SLC26A5: variants seen among roughly 807,000 people sequenced by gnomAD.
The protein encoded by SLC26A5 is solute carrier family 26 member 5.
A neutral mutation model predicts 81.0 loss-of-function variants in SLC26A5; 51 were observed. That is an observed-to-expected ratio of 0.63 (90% CI 0.50 to 0.80). The LOEUF is 0.80. Among genes scored for constraint, SLC26A5 ranks in the 30% least tolerant of loss-of-function variants. SLC26A5 has a pLI of 0.00. For missense variants in SLC26A5, 771 were observed against 905.8 expected (o/e 0.85, Z 1.91); for synonymous variants, 325 against 332.8 (o/e 0.98, Z 0.25).
intron 5 of SLC26A5, among the ~76,000 whole-genome samples, chr7:103,411,920 C>A (rs1437801383): frequency 6.6e-6 from 1 of 152,178 alleles, no homozygotes; most frequent in Non-Finnish European, 1.5e-5. Flanking sequence ...GCAGAAGTGA[C>A]GTTGTGTGAC....
chr7:103,354,669 C>T (rs1460543282), intron 19 of SLC26A5, among the ~76,000 whole-genome samples: 1 of 152,138 alleles, frequency 6.6e-6, no homozygotes, highest in Non-Finnish European at 1.5e-5. Context: ...CATGCCTGGC[C>T]ATGATTTTCA....
At chr7:103,420,366 G>A (rs1825248747) in intron 4 of SLC26A5, among the ~76,000 whole-genome samples, 1 of 141,212 alleles carries the variant, frequency 7.1e-6, no homozygotes. Flanking sequence ...TATGATCATA[G>A]CTCATTACAG....
At chr7:103,433,129 G>A (rs1030805433) in intron 2 of SLC26A5, among the ~76,000 whole-genome samples, 4 of 152,086 alleles carry the variant, frequency 2.6e-5, no homozygotes, top group Non-Finnish European at 5.9e-5. Context: ...CTTATCCAGT[G>A]TTTCAATTCC....
intron 2 of SLC26A5, among the ~76,000 whole-genome samples, chr7:103,435,846 C>A (rs918352208): frequency 3.9e-5 from 6 of 152,082 alleles, no homozygotes; most frequent in Admixed American, 1.3e-4. Flanking sequence ...GAGTTCTTCC[C>A]CCTTTGTATC....
intron 2 of SLC26A5, chr7:103,435,127 T>C (rs897097100): frequency 2.6e-5 from 4 of 152,216 alleles, no homozygotes; most frequent in African/African-American, 7.2e-5. Flanking sequence ...GTAAATTATT[T>C]TTATTTTAGT....
intron 14 of SLC26A5, chr7:103,388,696 GATAA>G: frequency 2.8e-6 from 1 of 363,178 alleles, no homozygotes; most frequent in Non-Finnish European, 5.4e-6. Flanking sequence ...ATCACAAGAG[GATAA>G]ATAAACCAGC....
intron 19 of SLC26A5, among the ~76,000 whole-genome samples, chr7:103,361,336 T>TAA (rs1170508055): frequency 0.047 from 5,633 of 120,770 alleles, 166 homozygotes; most frequent in African/African-American, 0.075. Context: ...CCCTCTCTAC[T>TAA]AAAAAAAAAA....
At chr7:103,374,694 GTTTT>G (rs1460717780) in intron 19 of SLC26A5, 102 bp from the exon 20 acceptor site, 31 of 1,120,332 alleles carry the variant, frequency 2.8e-5, no homozygotes, top group African/African-American at 2.4e-4. Flanking sequence ...TTTTGTTATT[GTTTT>G]TTGTTTCTTT....
At chr7:103,425,098 G>A (rs1302189088) in intron 2 of SLC26A5, among the ~76,000 whole-genome samples, 6 of 152,088 alleles carry the variant, frequency 3.9e-5, no homozygotes, top group Non-Finnish European at 1.5e-5. Context: ...GGAATTCCTC[G>A]TGACACCCGT....
chr7:103,366,015 TTTAC>T, intron 19 of SLC26A5: 3 of 1,327,412 alleles, frequency 2.3e-6, no homozygotes, highest in Non-Finnish European at 2.1e-6. Flanking sequence ...AGCATAACTT[TTTAC>T]TTATTTTAAA....
chr7:103,385,091 T>C (rs896831517), intron 14 of SLC26A5, among the ~76,000 whole-genome samples: 1 of 152,178 alleles, frequency 6.6e-6, no homozygotes, highest in Non-Finnish European at 1.5e-5. Context: ...TGAACCTCTG[T>C]CATATTTATA....
intron 1 of SLC26A5, chr7:103,445,278 A>G (rs1348204706): frequency 1.3e-5 from 2 of 152,164 alleles, no homozygotes; most frequent in East Asian, 3.8e-4. Flanking sequence ...GCTCACTGAG[A>G]ACGTCCAGCA....
chr7:103,384,471 G>A (rs953779916), intron 14 of SLC26A5, among the ~76,000 whole-genome samples: 1 of 152,024 alleles, frequency 6.6e-6, no homozygotes, highest in South Asian at 2.1e-4. Flanking sequence ...AATTAGCTGG[G>A]TGTGGTGGCG....
intron 4 of SLC26A5, 80 bp downstream of exon 4, chr7:103,420,658 T>C (rs1825275513): frequency 3.3e-5 from 51 of 1,540,220 alleles, no homozygotes; most frequent in Non-Finnish European, 4.5e-5. Flanking sequence ...ATTATGAATT[T>C]GCAATCATGA....
intron 7 of SLC26A5, 141 bp from the exon 8 acceptor site, chr7:103,408,144 T>C (rs1038865132): frequency 2.8e-5 from 31 of 1,117,258 alleles, no homozygotes; most frequent in Non-Finnish European, 3.8e-5. Context: ...AATCTCTCTT[T>C]GTAGCTTCTA....
chr7:103,362,289 A>C (rs1586164916), intron 19 of SLC26A5: 1 of 1,395,932 alleles, frequency 7.2e-7, no homozygotes, highest in East Asian at 2.7e-5. Flanking sequence ...CCCTACTCCC[A>C]CTGTTGTTTA....
chr7:103,366,778 G>A (rs777784635), intron 19 of SLC26A5, among the ~76,000 whole-genome samples: 9 of 152,042 alleles, frequency 5.9e-5, no homozygotes, highest in Non-Finnish European at 1.2e-4. Context: ...CAGATTTGAT[G>A]AAATACAGTA....
intron 19 of SLC26A5, chr7:103,354,023 T>C: frequency 8.0e-7 from 1 of 1,247,788 alleles, no homozygotes; most frequent in Non-Finnish European, 1.1e-6. Flanking sequence ...GTTTTGGTAT[T>C]GTCCTTCCAA....
chr7:103,415,796 T>A (rs1244403527), intron 4 of SLC26A5, among the ~76,000 whole-genome samples: 1 of 152,248 alleles, frequency 6.6e-6, no homozygotes, highest in East Asian at 1.9e-4. Flanking sequence ...TCATTTATTC[T>A]GCTGGGTATT....
Sources: allele counts gnomAD v4.1 joint callset (sites outside exome capture counted in the v4.1 genomes callset), GRCh38; gene constraint gnomAD v4.1.1; transcripts MANE v1.5; gene names NCBI Gene and HGNC (gene_info 2026-07-23, HGNC 2026-07-21).